Variants in SLC9A8 observed in about 807,000 individuals in gnomAD.
The protein encoded by SLC9A8 is solute carrier family 9 member A8, also known as sodium/hydrogen exchanger 8.
In SLC9A8, 48 loss-of-function variants were observed where a neutral mutation model predicts 66.6. The ratio of observed to expected loss-of-function variants is 0.72; its 90% CI spans 0.57 to 0.92. The LOEUF (loss-of-function observed/expected upper bound fraction) is 0.92, where lower values mean the gene tolerates loss of function less well. Among genes scored for constraint, SLC9A8 ranks in the 40% least tolerant of loss-of-function variants. The probability of loss-of-function intolerance (pLI) is 0.00; values close to 1 mark genes in which losing one functional copy is unlikely to be tolerated. For synonymous variants in SLC9A8, 274 were observed against 282.6 expected (o/e 0.97, Z 0.31); for missense variants, 599 against 747.3 (o/e 0.80, Z 2.31).
At chr20:49,876,532 A>T (rs1282012557) in intron 11 of SLC9A8, among the ~76,000 whole-genome samples, 1 of 152,240 alleles carries the variant, frequency 6.6e-6, no homozygotes, top group Admixed American at 6.5e-5. Context: ...TCAGAAATAA[A>T]AACAGTCTAA....
intron 10 of SLC9A8, among the ~76,000 whole-genome samples, chr20:49,873,992 G>T (rs2089321826): frequency 6.6e-6 from 1 of 151,834 alleles, no homozygotes; most frequent in Non-Finnish European, 1.5e-5. Context: ...GCTCACACCT[G>T]TAATCCCAGC....
At chr20:49,842,399 A>G (rs1415175693) in intron 4 of SLC9A8, among the ~76,000 whole-genome samples, 6 of 152,174 alleles carry the variant, frequency 3.9e-5, no homozygotes, top group Admixed American at 2.6e-4. Flanking sequence ...TTACAGTACT[A>G]TTTCAATTCA....
chr20:49,822,950 T>C (rs2086793826), intron 2 of SLC9A8, 111 bp from the exon 3 acceptor site: 2 of 807,670 alleles, frequency 2.5e-6, no homozygotes, highest in South Asian at 2.9e-5. Flanking sequence ...TTATTCCAAT[T>C]GTCCATTTCT....
chr20:49,872,764 C>T (rs1207201104), intron 10 of SLC9A8, among the ~76,000 whole-genome samples: 1 of 152,160 alleles, frequency 6.6e-6, no homozygotes, highest in Admixed American at 6.5e-5. Flanking sequence ...GGATTACAGG[C>T]ATGAGCCACC....
At chr20:49,852,279 G>C (rs1256675831) in intron 7 of SLC9A8, among the ~76,000 whole-genome samples, 2 of 152,182 alleles carry the variant, frequency 1.3e-5, no homozygotes, top group Non-Finnish European at 2.9e-5. Context: ...TCTGGGCCCA[G>C]AATTGGTGGC....
intron 3 of SLC9A8, among the ~76,000 whole-genome samples, chr20:49,837,120 C>A (rs2087568120): frequency 6.6e-6 from 1 of 152,304 alleles, no homozygotes; most frequent in African/African-American, 2.4e-5. Context: ...AAAGGCTAAT[C>A]AGAAACTCAA....
At chr20:49,849,490 C>A in intron 5 of SLC9A8, 89 bp from the exon 6 acceptor site, 1 of 984,326 alleles carries the variant, frequency 1.0e-6, no homozygotes. Flanking sequence ...AGAATCAAGT[C>A]TGCACGGAGG....
intron 8 of SLC9A8, among the ~76,000 whole-genome samples, chr20:49,857,044 G>A (rs1231098382): frequency 6.6e-6 from 1 of 152,158 alleles, no homozygotes; most frequent in African/African-American, 2.4e-5. Context: ...CTTGAACTCT[G>A]CATTTTATGG....
At chr20:49,861,211 C>T (rs192818708) in intron 8 of SLC9A8, among the ~76,000 whole-genome samples, 84 of 152,152 alleles carry the variant, frequency 5.5e-4, no homozygotes, top group African/African-American at 1.9e-3. Flanking sequence ...TTCCTGATAA[C>T]GTCGGGAAAC....
chr20:49,857,587 G>A (rs544794930), intron 8 of SLC9A8, among the ~76,000 whole-genome samples: 16 of 152,036 alleles, frequency 1.1e-4, no homozygotes, highest in Non-Finnish European at 1.6e-4. Context: ...GTGTGGTGGC[G>A]CACGCCTGTA....
At chr20:49,836,401 T>G (rs893384524) in intron 3 of SLC9A8, among the ~76,000 whole-genome samples, 2 of 152,152 alleles carry the variant, frequency 1.3e-5, no homozygotes, top group African/African-American at 4.8e-5. Context: ...TGGCGCAATC[T>G]CGGCCTACTG....
chr20:49,845,700 C>A (rs2087955662), intron 5 of SLC9A8, among the ~76,000 whole-genome samples: 1 of 152,186 alleles, frequency 6.6e-6, no homozygotes, highest in Non-Finnish European at 1.5e-5. Flanking sequence ...TCCTTCCCTG[C>A]CTAGTCCCAC....
At chr20:49,877,882 A>T in intron 11 of SLC9A8, 99 bp from the exon 12 acceptor site, 1 of 768,246 alleles carries the variant, frequency 1.3e-6, no homozygotes, top group Non-Finnish European at 2.1e-6. Context: ...AAAGTGTTGT[A>T]TTGGATTCTG....
chr20:49,847,834 A>G (rs2088062919), intron 5 of SLC9A8, among the ~76,000 whole-genome samples: 1 of 152,052 alleles, frequency 6.6e-6, no homozygotes, highest in Non-Finnish European at 1.5e-5. Context: ...TTCAGGATCC[A>G]GATTAATATT....
chr20:49,880,859 C>A, intron 12 of SLC9A8, 65 bp from the exon 13 acceptor site: 2 of 1,076,482 alleles, frequency 1.9e-6, no homozygotes, highest in Non-Finnish European at 2.9e-6. Flanking sequence ...TTAGCTTCAT[C>A]CAAGAAGCTT....
At chr20:49,835,339 TA>T (rs910385186) in intron 3 of SLC9A8, among the ~76,000 whole-genome samples, 16 of 151,530 alleles carry the variant, frequency 1.1e-4, no homozygotes, top group African/African-American at 1.9e-4. Context: ...GTTGTGATTT[TA>T]AAAAAAAGGT....
intron 1 of SLC9A8, among the ~76,000 whole-genome samples, chr20:49,814,713 C>T (rs1466928425): frequency 6.6e-6 from 1 of 152,170 alleles, no homozygotes; most frequent in Non-Finnish European, 1.5e-5. Flanking sequence ...GTTTGCCTCC[C>T]TTTAAATCCC....
chr20:49,836,791 C>T (rs2087553684), intron 3 of SLC9A8, among the ~76,000 whole-genome samples: 1 of 152,194 alleles, frequency 6.6e-6, no homozygotes, highest in African/African-American at 2.4e-5. Context: ...ATTTTACATT[C>T]CCATCAGCAA....
chr20:49,880,669 CCT>C (rs1330724925), intron 12 of SLC9A8, among the ~76,000 whole-genome samples: 12 of 152,184 alleles, frequency 7.9e-5, no homozygotes, highest in Admixed American at 7.9e-4. Context: ...CCTCGTCCGT[CCT>C]CTCTTTTCTG....
Sources: allele counts gnomAD v4.1 joint callset (sites outside exome capture counted in the v4.1 genomes callset), GRCh38; gene constraint gnomAD v4.1.1; transcripts MANE v1.5; gene names NCBI Gene and HGNC (gene_info 2026-07-23, HGNC 2026-07-21).